Variants in PTPRD observed in about 807,000 individuals in gnomAD.
PTPRD encodes receptor-type tyrosine-protein phosphatase delta.
A neutral mutation model predicts 214.5 loss-of-function variants in PTPRD; 34 were observed. The observed-to-expected ratio is 0.16, with a 90% CI of 0.12 to 0.21. PTPRD has a LOEUF of 0.21. Ranked by LOEUF, PTPRD falls within the 10% of genes least tolerant of loss-of-function variation. PTPRD has a pLI of 1.00. For synonymous variants in PTPRD, 1,128 were observed against 845.7 expected (o/e 1.33, Z -5.79); for missense variants, 2,545 against 2,398.7 (o/e 1.06, Z -1.27).
intron 9 of PTPRD, among the ~76,000 whole-genome samples, chr9:9,390,791 A>G (rs1165006789): frequency 6.6e-6 from 1 of 152,136 alleles, no homozygotes; most frequent in Non-Finnish European, 1.5e-5. Flanking sequence ...TGTGACTTTG[A>G]AAGAGTTATT....
intron 11 of PTPRD, among the ~76,000 whole-genome samples, chr9:8,938,429 A>C (rs545981807): frequency 1.3e-5 from 2 of 152,242 alleles, no homozygotes; most frequent in Non-Finnish European, 2.9e-5. Context: ...TAAATATAGC[A>C]ATCATACGGC....
intron 25 of PTPRD, 115 bp downstream of exon 25, chr9:8,499,532 G>A: frequency 9.3e-7 from 1 of 1,078,854 alleles, no homozygotes; most frequent in Non-Finnish European, 1.3e-6. Context: ...ATGAAAACTA[G>A]AATTTTGTAT....
At chr9:9,618,163 T>G (rs186219629) in intron 7 of PTPRD, among the ~76,000 whole-genome samples, 59 of 149,794 alleles carry the variant, frequency 3.9e-4, no homozygotes, top group Non-Finnish European at 7.5e-4. Flanking sequence ...GGTGGGGTAT[T>G]CCTTAATACA....
At chr9:10,555,279 CAGA>C (rs1191552053) in intron 2 of PTPRD, among the ~76,000 whole-genome samples, 3 of 152,008 alleles carry the variant, frequency 2.0e-5, no homozygotes, top group African/African-American at 7.2e-5. Context: ...GTGGTGCTTC[CAGA>C]AGAAAATAAA....
chr9:9,388,069 T>G (rs2064500026), intron 9 of PTPRD, among the ~76,000 whole-genome samples: 1 of 152,006 alleles, frequency 6.6e-6, no homozygotes, highest in African/African-American at 2.4e-5. Flanking sequence ...GCTTGGGAAA[T>G]TAGTGCAAGG....
At chr9:10,240,387 C>T (rs999980230) in intron 3 of PTPRD, among the ~76,000 whole-genome samples, 1 of 151,674 alleles carries the variant, frequency 6.6e-6, no homozygotes, top group Non-Finnish European at 1.5e-5. Flanking sequence ...TTTTTCACTC[C>T]TAGAGAAACA....
chr9:9,623,232 T>C (rs950497434), intron 7 of PTPRD, among the ~76,000 whole-genome samples: 4 of 152,216 alleles, frequency 2.6e-5, no homozygotes, highest in Non-Finnish European at 5.9e-5. Context: ...TTTGTATGAA[T>C]CAAGAAACAG....
intron 8 of PTPRD, among the ~76,000 whole-genome samples, chr9:9,407,959 G>C (rs1298676597): frequency 6.6e-6 from 1 of 151,856 alleles, no homozygotes; most frequent in East Asian, 1.9e-4. Context: ...GAAAGTGGAA[G>C]ACTTTTAATT....
intron 7 of PTPRD, among the ~76,000 whole-genome samples, chr9:9,703,915 C>T (rs1187470951): frequency 2.0e-5 from 3 of 152,090 alleles, no homozygotes; most frequent in Non-Finnish European, 4.4e-5. Context: ...GATAGGGTCT[C>T]ACTCTGTTAC....
intron 2 of PTPRD, among the ~76,000 whole-genome samples, chr9:10,416,119 G>A (rs376308176): frequency 5.9e-5 from 9 of 151,666 alleles, no homozygotes; most frequent in East Asian, 2.0e-4. Flanking sequence ...AGGCCGAGGC[G>A]GGCGGATCAC....
At chr9:9,565,504 G>A (rs1176169940) in intron 8 of PTPRD, among the ~76,000 whole-genome samples, 1 of 151,714 alleles carries the variant, frequency 6.6e-6, no homozygotes, top group African/African-American at 2.4e-5. Context: ...AATGATGATG[G>A]ATTTCTGAAG....
chr9:8,965,334 C>T (rs964256789), intron 11 of PTPRD, among the ~76,000 whole-genome samples: 10 of 150,152 alleles, frequency 6.7e-5, no homozygotes, highest in African/African-American at 1.7e-4. Context: ...GAGCTGAGAT[C>T]GTGCTACTGC....
At chr9:9,610,023 C>T (rs1022669645) in intron 7 of PTPRD, among the ~76,000 whole-genome samples, 1 of 152,126 alleles carries the variant, frequency 6.6e-6, no homozygotes, top group Non-Finnish European at 1.5e-5. Context: ...TTCTTTCCAG[C>T]CTTCTCCTCT....
rs2095507198 is a variant in PTPRD, at chr9:8,776,924, TATAAATATG to T, written c.-103-42987_-103-42979del. ...ACATATGTATAATATATGTATAATA[TATAAATATG>T]ATGTAATACATATGTATAGTATATA... On this transcript the variant is annotated intron_variant, in intron 11 of 45. Transcript: ENST00000381196. Among the ~76,000 whole-genome samples the T allele has an allele frequency of 6.7e-4, 99 of 147,494 alleles. 5 individuals carry two copies.
In PTPRD at chr9:9,280,244, A is replaced by G. The variant is rs115112997; in HGVS notation, c.-202-96881T>C. Among the ~76,000 whole-genome samples, 563 of 151,394 alleles carry G rather than the reference A, an allele frequency of 3.7e-3. 4 individuals carry two copies. Among genetic ancestry groups the G allele is most frequent in the African/African-American group, 0.013 (535 of 41,448 alleles). On this transcript the variant is annotated intron_variant, in intron 9 of 45. Transcript: ENST00000381196. ...ATTGTGAAGGCATGTACTAAGACGG[A>G]GTGACTTGTAGAGTATAATTCTGGA...
intron 30 of PTPRD, among the ~76,000 whole-genome samples, chr9:8,475,943 G>C (rs1439809510): frequency 6.6e-6 from 1 of 152,124 alleles, no homozygotes; most frequent in Admixed American, 6.6e-5. Context: ...TACAAAATTT[G>C]TTCTGCCATT....
intron 5 of PTPRD, among the ~76,000 whole-genome samples, chr9:9,891,303 T>C (rs1418713158): frequency 6.6e-6 from 1 of 152,072 alleles, no homozygotes; most frequent in Non-Finnish European, 1.5e-5. Context: ...AGACTTTTTG[T>C]TCCAAATAAT....
At position 8,374,402 on chromosome 9, in the gene PTPRD, C is replaced by A. The variant is rs1588995006; in HGVS notation, c.4661+1534G>T. Among the ~76,000 whole-genome samples the A allele has an allele frequency of 2.6e-5, 4 of 151,842 alleles. No individual in the cohort carries two copies. The South Asian group carries it at 8.3e-4, about 32-fold the overall frequency. On this transcript the variant is annotated intron_variant, in intron 39 of 45. Transcript: ENST00000381196. The stretch of plus-strand genomic sequence containing the variant: ...TAGCACCTGAATTAAAACCAAAAGG[C>A]AGGAGAACCAGAAGTCTACTTTCAT...
At chr9:9,929,711 G>A (rs1275291865) in intron 5 of PTPRD, among the ~76,000 whole-genome samples, 1 of 152,164 alleles carries the variant, frequency 6.6e-6, no homozygotes, top group Admixed American at 6.5e-5. Context: ...CTTTTAAAGA[G>A]GTTTCTGAAA....
Sources: allele counts gnomAD v4.1 joint callset (sites outside exome capture counted in the v4.1 genomes callset), GRCh38; gene constraint gnomAD v4.1.1; transcripts MANE v1.5; gene names NCBI Gene and HGNC (gene_info 2026-07-23, HGNC 2026-07-21).